KRT86: variants seen among roughly 807,000 people sequenced by gnomAD.
KRT86 encodes the protein keratin 86, also known as keratin, type II cuticular Hb6.
Under a neutral mutation model 41.2 loss-of-function variants are expected in KRT86, and 30 were observed. That is an observed-to-expected ratio of 0.73 (90% CI 0.54 to 0.99). KRT86 has a LOEUF of 0.99. KRT86 is among the 50% of genes least tolerant of loss of function. KRT86 has a pLI of 0.00. For synonymous variants in KRT86, 238 were observed against 238.1 expected (o/e 1.00, Z 0.00); for missense variants, 561 against 571.4 (o/e 0.98, Z 0.19).
At chr12:52,291,114 C>A in intron 2 of KRT86, 8 of 822,458 alleles carry the variant, frequency 9.7e-6, no homozygotes, top group African/African-American at 2.8e-5. Context: ...ATGAAGGCCG[C>A]GAACCTGCTG....
chr12:52,308,123 T>C lies in KRT86; in HGVS notation c.1248-110T>C, dbSNP rs375908256. The C allele has an allele frequency of 4.6e-5, 67 of 1,445,096 alleles. No homozygotes were observed. In the East Asian group the frequency reaches 7.6e-4, roughly 16 times the overall value. 89.5% of individuals were successfully genotyped at this position (1,445,096 alleles called of 1,614,324 possible). On this transcript the variant is annotated intron_variant, in intron 9 of 10. Coordinates refer to ENST00000423955, the MANE Select transcript of KRT86 (RefSeq NM_001320198.2). Reference sequence around the variant, plus strand: ...CTGGCCGAGAGCATTTCTTGCCCCTTCCCTTGGGCAAGTGCCCAGATGGAG... The same window carrying C: ...CTGGCCGAGAGCATTTCTTGCCCCTCCCCTTGGGCAAGTGCCCAGATGGAG...
At chr12:52,291,367 A>G (rs748992740) in intron 2 of KRT86, 12 of 1,601,056 alleles carry the variant, frequency 7.5e-6, no homozygotes, top group South Asian at 3.3e-5. Flanking sequence ...AGGAGATGCC[A>G]CGGTAGGGGG....
chr12:52,286,638 C>T lies in KRT86; in HGVS notation c.-5+10692C>T, dbSNP rs563107659. The T allele has an allele frequency of 2.7e-4, 312 of 1,176,254 alleles. 1 individual carries two copies. The African/African-American group carries it at 4.4e-3, about 17-fold the overall frequency. 72.9% of individuals were successfully genotyped at this position (1,176,254 alleles called of 1,614,324 possible). On this transcript the variant is annotated intron_variant, in intron 2 of 10. Transcript: ENST00000423955. The stretch of plus-strand genomic sequence containing the variant: ...ATTCTAGGTCCATCTAGTCCAAGAG[C>T]TGGGGTCTTTTGGATGTCTGACCCC...
chr12:52,304,828 T>G (rs1343748770), intron 5 of KRT86, 104 bp from the exon 6 acceptor site: 1 of 1,263,856 alleles, frequency 7.9e-7, no homozygotes. Flanking sequence ...AATGAGACAC[T>G]GGGGACTCCT....
chr12:52,276,479 G>A (rs1024165850), intron 2 of KRT86, among the ~76,000 whole-genome samples: 1 of 152,198 alleles, frequency 6.6e-6, no homozygotes, highest in African/African-American at 2.4e-5. Flanking sequence ...TCCTTTGGAT[G>A]TGAGGCAGAG....
intron 2 of KRT86, among the ~76,000 whole-genome samples, chr12:52,278,057 C>A (rs1284006134): frequency 1.3e-5 from 2 of 152,166 alleles, no homozygotes; most frequent in South Asian, 2.1e-4. Flanking sequence ...GAAGTGCCTT[C>A]TTCTCAACTC....
At position 52,308,266 on chromosome 12, in the gene KRT86, T is replaced by A; in HGVS notation, c.1279+2T>A. ...AGGGCGTCGGCTCGGTGAATGTCTGTAAGTAGTGGGGTCCGTCCCCTCCTC... is the reference window on the plus strand; with the variant it reads ...AGGGCGTCGGCTCGGTGAATGTCTGAAAGTAGTGGGGTCCGTCCCCTCCTC... On this transcript the variant is annotated splice_donor_variant, in intron 10 of 10. Coordinates refer to ENST00000423955, the MANE Select transcript of KRT86 (RefSeq NM_001320198.2). LOFTEE classifies it high-confidence loss of function. 1 of 1,614,178 alleles carries A rather than the reference T, an allele frequency of 6.2e-7. No homozygotes were observed. The highest frequency in any genetic ancestry group is 8.5e-7 in the Non-Finnish European group (1 of 1,180,040).
At chr12:52,299,917 C>G (rs949195653) in intron 2 of KRT86, among the ~76,000 whole-genome samples, 57 of 152,096 alleles carry the variant, frequency 3.7e-4, no homozygotes, top group African/African-American at 1.3e-3. Flanking sequence ...TTGATTGTTT[C>G]CTTTGGTGTG....
intron 2 of KRT86, among the ~76,000 whole-genome samples, chr12:52,282,444 G>T (rs1298418530): frequency 6.6e-6 from 1 of 151,746 alleles, no homozygotes; most frequent in African/African-American, 2.4e-5. Context: ...CTCTGTGTTA[G>T]CCAGGATGGT....
At chr12:52,286,830 C>A (rs1937957671) in intron 2 of KRT86, 2 of 1,613,682 alleles carry the variant, frequency 1.2e-6, no homozygotes, top group African/African-American at 1.3e-5. Context: ...AGCCTGAGGG[C>A]AAAAGAGAAA....
At chr12:52,279,404 C>T (rs989906185) in intron 2 of KRT86, among the ~76,000 whole-genome samples, 1 of 152,220 alleles carries the variant, frequency 6.6e-6, no homozygotes, top group African/African-American at 2.4e-5. Context: ...GACTGACCAT[C>T]CCCAGTGCAG....
intron 2 of KRT86, among the ~76,000 whole-genome samples, chr12:52,288,940 G>A (rs1163652658): frequency 2.5e-4 from 37 of 145,362 alleles, no homozygotes; most frequent in Middle Eastern, 6.8e-3. Context: ...AGGGGCCTCA[G>A]CAATAGACCA....
intron 2 of KRT86, 95 bp from the exon 3 acceptor site, chr12:52,301,818 T>G: frequency 6.2e-7 from 1 of 1,612,412 alleles, no homozygotes; most frequent in Non-Finnish European, 8.5e-7. Flanking sequence ...ATAAAAGGCC[T>G]ACAGAGGTGC....
chr12:52,297,387 C>T (rs552504338), intron 2 of KRT86, among the ~76,000 whole-genome samples: 1 of 152,276 alleles, frequency 6.6e-6, no homozygotes, highest in Admixed American at 6.5e-5. Flanking sequence ...GCCTCCTTCC[C>T]TCCAAAATTA....
At chr12:52,293,139 A>C (rs1479202131) in intron 2 of KRT86, among the ~76,000 whole-genome samples, 1 of 152,256 alleles carries the variant, frequency 6.6e-6, no homozygotes, top group Non-Finnish European at 1.5e-5. Context: ...AACTGTATAG[A>C]GAATTAGAAT....
At chr12:52,297,493 T>G (rs1451436022) in intron 2 of KRT86, among the ~76,000 whole-genome samples, 3 of 152,196 alleles carry the variant, frequency 2.0e-5, no homozygotes, top group Non-Finnish European at 4.4e-5. Flanking sequence ...TCAACTATCT[T>G]GAGGAGTCTG....
At chr12:52,283,107 C>T (rs933314851) in intron 2 of KRT86, among the ~76,000 whole-genome samples, 2 of 152,162 alleles carry the variant, frequency 1.3e-5, no homozygotes, top group African/African-American at 4.8e-5. Flanking sequence ...CAAAGAATAA[C>T]AGAGTTGACT....
chr12:52,305,631 C>G, intron 7 of KRT86, 32 bp from the exon 8 acceptor site: 1 of 1,614,054 alleles, frequency 6.2e-7, no homozygotes, highest in Non-Finnish European at 8.5e-7. Context: ...AGGTCCCACC[C>G]TGAACCTCAT....
chr12:52,305,068 G>A (rs756586613), intron 6 of KRT86, 41 bp downstream of exon 6: 1 of 1,606,328 alleles, frequency 6.2e-7, no homozygotes, highest in Non-Finnish European at 8.5e-7. Context: ...GCAGCCAGCA[G>A]AGAGGAGAGA....
Sources: gnomAD v4.1 joint callset for allele counts (sites outside exome capture counted in the v4.1 genomes callset) on GRCh38, gnomAD v4.1.1 for gene constraint, MANE v1.5 for transcripts, NCBI Gene and HGNC (gene_info 2026-07-23, HGNC 2026-07-21) for gene names.